Variants in C1QTNF9B observed in about 807,000 individuals in gnomAD.
The protein encoded by C1QTNF9B is C1q and TNF related 9B.
C1QTNF9B carries 9 observed loss-of-function variants against 10.1 expected under a neutral mutation model. The ratio of observed to expected loss-of-function variants is 0.89; its 90% CI spans 0.53 to 1.55. The LOEUF is 1.55. Among genes scored for constraint, C1QTNF9B ranks in the 40% most tolerant of loss-of-function variants. C1QTNF9B has a pLI of 0.00. For synonymous variants in C1QTNF9B, 79 were observed against 159.9 expected (o/e 0.49, Z 3.82); for missense variants, 196 against 414.4 (o/e 0.47, Z 4.58).
chr13:23,895,672 C>T (rs1157195964), intron 1 of C1QTNF9B, among the ~76,000 whole-genome samples: 1 of 151,768 alleles, frequency 6.6e-6, no homozygotes, highest in Non-Finnish European at 1.5e-5. Context: ...TATTTATCTC[C>T]TTTTATGTGT....
At chr13:23,894,938 CAG>C (rs760812069) in intron 1 of C1QTNF9B, among the ~76,000 whole-genome samples, 7 of 152,194 alleles carry the variant, frequency 4.6e-5, no homozygotes, top group Non-Finnish European at 8.8e-5. Flanking sequence ...CACAAAGCAG[CAG>C]AGACTCCCAT....
At chr13:23,895,648 T>C (rs1367551286) in intron 1 of C1QTNF9B, among the ~76,000 whole-genome samples, 1 of 152,208 alleles carries the variant, frequency 6.6e-6, no homozygotes, top group Non-Finnish European at 1.5e-5. Context: ...TAGTTCTCTG[T>C]ATTTTGTATC....
intron 2 of C1QTNF9B, among the ~76,000 whole-genome samples, chr13:23,893,160 T>C (rs560463362): frequency 6.6e-6 from 1 of 152,346 alleles, no homozygotes; most frequent in South Asian, 2.1e-4. Flanking sequence ...CGTGCCTCTG[T>C]TCCCTCACCT....
At chr13:23,893,063 C>T (rs547435534) in intron 2 of C1QTNF9B, among the ~76,000 whole-genome samples, 4 of 151,380 alleles carry the variant, frequency 2.6e-5, no homozygotes, top group Admixed American at 6.6e-5. Context: ...AAAGAGCCGT[C>T]GTTGCAAGTG....
intron 1 of C1QTNF9B, among the ~76,000 whole-genome samples, chr13:23,895,070 C>T (rs1198136449): frequency 6.6e-6 from 1 of 152,120 alleles, no homozygotes; most frequent in Non-Finnish European, 1.5e-5. Flanking sequence ...TCTCCTGGGA[C>T]ACCAGCGCTC....
intron 1 of C1QTNF9B, 101 bp downstream of exon 3, chr13:23,896,720 G>A (rs1566036052): frequency 2.4e-5 from 37 of 1,542,710 alleles, no homozygotes; most frequent in Non-Finnish European, 3.0e-5. Context: ...GGATGGATGG[G>A]TTGTGAGTGG....
At chr13:23,896,328 A>G (rs936264865) in intron 1 of C1QTNF9B, among the ~76,000 whole-genome samples, 4 of 152,186 alleles carry the variant, frequency 2.6e-5, no homozygotes, top group Non-Finnish European at 4.4e-5. Context: ...TAGATTCATA[A>G]GCAGCAGCTG....
At position 23,893,071 on chromosome 13, in the gene C1QTNF9B, G is replaced by T. The variant is rs1191562576; in HGVS notation, c.230-1010C>A. 2.0e-5 allele frequency among the ~76,000 whole-genome samples: 3 copies of T among 152,206 alleles called. 1 individual carries two copies. The highest frequency in any genetic ancestry group is 7.2e-5 in the African/African-American group (3 of 41,460). On this transcript the variant is annotated intron_variant, in intron 2 of 2. Transcript: ENST00000382137. ...CCATACCAAAGAGCCGTCGTTGCAA[G>T]TGTGGACTCTGAGGCTAAGTGCCAG...
Position 23,896,849 on chromosome 13 carries a change from G to A in C1QTNF9B, c.138C>T (p.Asp46=), listed in dbSNP as rs374662312. ...CATCGCCTTTGTCACCCTTCGCTCC[G>A]TCTCGTCCATCTCTTCCAGGCAGAC... The change falls in exon 1 of 3, where the codon GAC becomes GAT. Residue 46 remains aspartate (D), a synonymous_variant. Transcript: ENST00000382137. 35 of 1,613,472 alleles carry A rather than the reference G, an allele frequency of 2.2e-5. No individual in the cohort carries two copies. The East Asian group carries it at 2.5e-4, about 11-fold the overall frequency.
chr13:23,894,141 C>T (rs1463638854), exon 2 of C1QTNF9B: 7 of 1,521,960 alleles, frequency 4.6e-6, no homozygotes, highest in Middle Eastern at 1.7e-4. Flanking sequence ...CTACTAACCT[C>T]GTTCTCCCTT....
chr13:23,891,260 G>A (rs1593218841), exon 3 of C1QTNF9B: 1 of 1,464,662 alleles, frequency 6.8e-7, no homozygotes, highest in Non-Finnish European at 9.2e-7. Context: ...TCTGATGGAT[G>A]GTCTGGCAGA....
At chr13:23,894,687 A>G (rs933104817) in intron 1 of C1QTNF9B, 1 of 455,480 alleles carries the variant, frequency 2.2e-6, no homozygotes, top group African/African-American at 2.0e-5. Flanking sequence ...CTATCCCAAG[A>G]TAGAAGAGAG....
chr13:23,896,692 G>C lies in C1QTNF9B; in HGVS notation c.166+129C>G, dbSNP rs1392775963. Reference sequence around the variant, plus strand: ...TGGATGAATGGGGTCAGGCTCCAGTGAATGTTGCTGGGTGGATGGATGGAT... The same window carrying C: ...TGGATGAATGGGGTCAGGCTCCAGTCAATGTTGCTGGGTGGATGGATGGAT... On this transcript the variant is annotated intron_variant, in intron 1 of 2. Transcript: ENST00000382137. 13 of 1,379,964 alleles carry C rather than the reference G, an allele frequency of 9.4e-6. No individual in the cohort carries two copies. The Admixed American group carries it at 2.5e-4, about 27-fold the overall frequency. The allele number at this position is 1,379,964 out of a possible 1,614,324, so 85.5% of individuals were successfully genotyped here. A position where few individuals can be genotyped will look rare whatever the true frequency, so the allele number is the denominator to read the frequency against.
At position 23,897,006 on chromosome 13, in the gene C1QTNF9B, A is replaced by C. The variant is rs1200494366; in HGVS notation, c.-20T>G. 3 of 1,613,538 alleles carry C rather than the reference A, an allele frequency of 1.9e-6. No homozygotes were observed. In the African/African-American group the frequency reaches 4.0e-5, roughly 22 times the overall value. ...CCTCATGGTTCAGATGACAGACTGAACTGAAAGAGGGAAACAGAAACCCAG... is the reference window on the plus strand; with the variant it reads ...CCTCATGGTTCAGATGACAGACTGACCTGAAAGAGGGAAACAGAAACCCAG... On this transcript the variant is annotated 5_prime_UTR_variant, in exon 1 of 3. Coordinates refer to ENST00000382137, the Ensembl canonical transcript of C1QTNF9B.
At position 23,894,447 on chromosome 13, in the gene C1QTNF9B, G is replaced by A. The variant is rs192026914; in HGVS notation, c.167-246C>T. On this transcript the variant is annotated intron_variant, in intron 1 of 2. Transcript: ENST00000382137. Reference sequence around the variant, plus strand: ...CTTCCCAAGCGCCCATCTCTAGGACGTGCCTAGAGCGCACAGCAAGACAGG... The same window carrying A: ...CTTCCCAAGCGCCCATCTCTAGGACATGCCTAGAGCGCACAGCAAGACAGG... 9.9e-3 allele frequency: 6,425 copies of A among 646,234 alleles called. 51 individuals carry two copies. The highest frequency in any genetic ancestry group is 0.025 in the South Asian group (1,626 of 66,138). The allele number at this position is 646,234 out of a possible 1,614,324, so 40.0% of individuals were successfully genotyped here.
upstream of C1QTNF9B, chr13:23,897,029 C>T: frequency 1.1e-5 from 18 of 1,612,282 alleles, no homozygotes; most frequent in Non-Finnish European, 1.4e-5. Flanking sequence ...AACAGAAACC[C>T]AGAGGAGAAA....
At chr13:23,895,738 TAC>T in intron 1 of C1QTNF9B, among the ~76,000 whole-genome samples, 1 of 145,246 alleles carries the variant, frequency 6.9e-6, no homozygotes. Flanking sequence ...AGAAATAAAA[TAC>T]ACACAGACAC....
Position 23,894,027 on chromosome 13 carries a change from A to T in C1QTNF9B, c.229+112T>A, listed in dbSNP as rs527941122. The T allele has an allele frequency of 3.0e-6, 4 of 1,315,820 alleles. No homozygotes were observed. The African/African-American group carries it at 4.4e-5, about 14-fold the overall frequency. 81.5% of individuals were successfully genotyped at this position (1,315,820 alleles called of 1,614,324 possible). A position where few individuals can be genotyped will look rare whatever the true frequency, so the allele number is the denominator to read the frequency against. The stretch of plus-strand genomic sequence containing the variant: ...GAATCCCCCCATCTGGAGAGTAAGA[A>T]CTGTGTTGCCTTTATTATAAGATTA... On this transcript the variant is annotated intron_variant, in intron 2 of 2. Transcript: ENST00000382137.
At position 23,895,756 on chromosome 13, in the gene C1QTNF9B, TAC is replaced by T. The variant is rs71185099; in HGVS notation, c.166+1063_166+1064del. On this transcript the variant is annotated intron_variant, in intron 1 of 2. Coordinates refer to ENST00000382137, the Ensembl canonical transcript of C1QTNF9B. ...AATAAAATACACACAGACACAGACATACACACACACACACACACACACACACA... is the reference window on the plus strand; with the variant it reads ...AATAAAATACACACAGACACAGACATACACACACACACACACACACACACA... Among the ~76,000 whole-genome samples, 1,099 of 146,128 alleles carry T rather than the reference TAC, an allele frequency of 7.5e-3. 10 individuals carry two copies. The highest frequency in any genetic ancestry group is 0.022 in the African/African-American group (867 of 39,684).
Sources: gnomAD v4.1 joint callset for allele counts (sites outside exome capture counted in the v4.1 genomes callset) on GRCh38, gnomAD v4.1.1 for gene constraint, MANE v1.5 for transcripts, NCBI Gene and HGNC (gene_info 2026-07-23, HGNC 2026-07-21) for gene names.